GFPT1: variants seen among roughly 807,000 people sequenced by gnomAD.
The protein encoded by GFPT1 is glutamine--fructose-6-phosphate aminotransferase [isomerizing] 1.
A neutral mutation model predicts 92.0 loss-of-function variants in GFPT1; 40 were observed. The ratio of observed to expected loss-of-function variants is 0.43; its 90% CI spans 0.34 to 0.57. The LOEUF is 0.57. Ranked by LOEUF, GFPT1 falls within the 20% of genes least tolerant of loss-of-function variation. The probability of loss-of-function intolerance (pLI) is 0.02; values close to 1 mark genes in which losing one functional copy is unlikely to be tolerated. For synonymous variants in GFPT1, 269 were observed against 280.6 expected (o/e 0.96, Z 0.41); for missense variants, 448 against 869.1 (o/e 0.52, Z 6.09).
In GFPT1 at chr2:69,354,092, G is replaced by A. The variant is rs1485928226; in HGVS notation, c.739+167C>T. ...CTTTCTAAATGCCAAAAGCAGACAC[G>A]CAAAATATACTCCGCAAATTAGAAA... On this transcript the variant is annotated intron_variant, in intron 9 of 19. Coordinates refer to ENST00000357308, the MANE Select transcript of GFPT1 (RefSeq NM_001244710.2). Among the ~76,000 whole-genome samples the A allele has an allele frequency of 2.6e-5, 4 of 152,170 alleles. No individual in the cohort carries two copies. The South Asian group carries it at 6.2e-4, about 24-fold the overall frequency.
At position 69,354,300 on chromosome 2, in the gene GFPT1, A is replaced by T; in HGVS notation, c.698T>A (p.Ile233Asn). 4 of 1,591,940 alleles carry T rather than the reference A, an allele frequency of 2.5e-6. No homozygotes were observed. The highest frequency in any genetic ancestry group is 3.4e-6 in the Non-Finnish European group (4 of 1,175,684). ...PILYRTARTQ[I>N]GSKFTRWGSQ... ...TCCCCACCGTGTGAATTTTGATCCA[A>T]TCTGAGTCCTAGCTAAGGATACACA... Residue 233 changes from isoleucine to asparagine, a missense_variant, in exon 9 of 20, where the codon ATT becomes AAT. By Grantham distance (149) the Ile-to-Asn change is moderately radical. This residue lies in a region of GFPT1 where 118 missense variants were observed against 192.9 expected (regional missense o/e 0.61). Coordinates refer to ENST00000357308, the MANE Select transcript of GFPT1 (RefSeq NM_001244710.2).
At chr2:69,364,994 CAAAAAAAA>C (rs58848043) in intron 3 of GFPT1, among the ~76,000 whole-genome samples, 1 of 44,164 alleles carries the variant, frequency 2.3e-5, no homozygotes, top group Non-Finnish European at 4.0e-5. Context: ...GACTCCCTCT[CAAAAAAAA>C]AAAAAAAAAA....
At chr2:69,328,569 T>C (rs1443121200) in intron 17 of GFPT1, 131 bp from the exon 18 acceptor site, 3 of 648,682 alleles carry the variant, frequency 4.6e-6, no homozygotes, top group African/African-American at 1.8e-5. Flanking sequence ...ACCACTGATC[T>C]ATAAATATAT....
chr2:69,334,923 T>C (rs767589589), intron 15 of GFPT1, among the ~76,000 whole-genome samples: 3 of 152,220 alleles, frequency 2.0e-5, no homozygotes, highest in Non-Finnish European at 2.9e-5. Flanking sequence ...TACAGCCAAA[T>C]GAATTTACTA....
chr2:69,356,581 A>G (rs1368468861), intron 6 of GFPT1, 24 bp from the exon 7 acceptor site: 1 of 1,555,304 alleles, frequency 6.4e-7, no homozygotes, highest in Non-Finnish European at 8.9e-7. Flanking sequence ...AAAATCCATT[A>G]GCACTATTTA....
intron 1 of GFPT1, among the ~76,000 whole-genome samples, chr2:69,385,464 A>T (rs1325765189): frequency 1.3e-5 from 2 of 152,060 alleles, no homozygotes; most frequent in African/African-American, 4.8e-5. Context: ...AGCTCAGGTG[A>T]TCCACCTGCC....
intron 6 of GFPT1, 50 bp from the exon 7 acceptor site, chr2:69,356,607 A>C: frequency 7.8e-7 from 1 of 1,284,802 alleles, no homozygotes; most frequent in Non-Finnish European, 1.1e-6. Flanking sequence ...TTATCAAGTC[A>C]GAAATGCCTA....
intron 10 of GFPT1, among the ~76,000 whole-genome samples, chr2:69,349,630 C>T (rs1256549841): frequency 6.6e-6 from 1 of 152,166 alleles, no homozygotes; most frequent in African/African-American, 2.4e-5. Flanking sequence ...CTACTACTAT[C>T]CCTTTATAAA....
rs553192327 is a variant in GFPT1 at position 69,326,800 on chromosome 2, G to A, written c.2055+114C>T. On this transcript the variant is annotated intron_variant, in intron 19 of 19. Coordinates refer to ENST00000357308, the MANE Select transcript of GFPT1 (RefSeq NM_001244710.2). ...GGCCATGAAAATATAACAGGTGACA[G>A]ATATATATTTGATAGATTTCTCAAA... 161 of 995,148 alleles carry A rather than the reference G, an allele frequency of 1.6e-4. 1 individual carries two copies. In the South Asian group the frequency reaches 2.1e-3, roughly 13 times the overall value. 61.6% of individuals were successfully genotyped at this position (995,148 alleles called of 1,614,324 possible). A position where few individuals can be genotyped will look rare whatever the true frequency, so the allele number is the denominator to read the frequency against.
At chr2:69,338,254 C>T (rs140089318) in intron 14 of GFPT1, among the ~76,000 whole-genome samples, 191 bp downstream of exon 14, 1 of 152,212 alleles carries the variant, frequency 6.6e-6, no homozygotes, top group East Asian at 1.9e-4. Flanking sequence ...CATTGAAAAT[C>T]CAGCTCTTTG....
intron 1 of GFPT1, among the ~76,000 whole-genome samples, chr2:69,377,765 C>A (rs75446567): frequency 0.012 from 1,888 of 152,306 alleles, 45 homozygotes; most frequent in African/African-American, 0.043. Flanking sequence ...AGAAGTTGAA[C>A]CTGTCAGTTT....
chr2:69,384,713 G>A (rs941434798), intron 1 of GFPT1, among the ~76,000 whole-genome samples: 272 of 68,808 alleles, frequency 4.0e-3, no homozygotes, highest in Middle Eastern at 7.6e-3. Context: ...AAAAAAAAAA[G>A]AAAAAAGAAA....
intron 3 of GFPT1, among the ~76,000 whole-genome samples, chr2:69,367,221 T>C (rs369905317): frequency 5.3e-5 from 8 of 152,236 alleles, no homozygotes; most frequent in African/African-American, 1.9e-4. Context: ...TACCGTTTTG[T>C]GTTTTTAAAT....
intron 1 of GFPT1, among the ~76,000 whole-genome samples, chr2:69,377,065 A>G (rs953240295): frequency 7.9e-5 from 12 of 152,092 alleles, no homozygotes; most frequent in Middle Eastern, 3.4e-3. Context: ...AAAATTAGCC[A>G]GGCATGATGG....
chr2:69,359,192 A>G (rs1363885599), intron 5 of GFPT1, 76 bp downstream of exon 5: 1 of 809,012 alleles, frequency 1.2e-6, no homozygotes, highest in East Asian at 2.4e-5. Context: ...TTTGTTGCAC[A>G]TCCCAACAAC....
rs760707754 is a variant in GFPT1 at position 69,329,740 on chromosome 2, C to T, written c.1541G>A (p.Arg514Gln). 1.9e-6 allele frequency: 3 copies of T among 1,613,306 alleles called. No homozygotes were observed. The highest frequency in any genetic ancestry group is 2.2e-5 in the East Asian group (1 of 44,854). Residue 514 changes from arginine to glutamine, a missense_variant, in exon 16 of 20, where the codon CGG (arginine) becomes CAG (glutamine). Coordinates refer to ENST00000357308, the MANE Select transcript of GFPT1 (RefSeq NM_001244710.2). ...TTTGCGTCTTTCTTGCATGGAGATC[C>T]GATCATCACACATCATAAGGGCAAA... ...VMFALMMCDD[R>Q]ISMQERRKEI...
chr2:69,332,282 G>A (rs1311819255), intron 15 of GFPT1, among the ~76,000 whole-genome samples: 2 of 141,432 alleles, frequency 1.4e-5, no homozygotes, highest in Non-Finnish European at 3.1e-5. Context: ...ATTATTTATT[G>A]TTTACTTTTT....
At chr2:69,344,578 A>G (rs1671037843) in intron 12 of GFPT1, among the ~76,000 whole-genome samples, 1 of 152,222 alleles carries the variant, frequency 6.6e-6, no homozygotes, top group South Asian at 2.1e-4. Flanking sequence ...CCTCATCCTA[A>G]CAACAAAAAA....
chr2:69,352,555 G>A (rs1215514934), intron 9 of GFPT1, among the ~76,000 whole-genome samples: 3 of 137,014 alleles, frequency 2.2e-5, no homozygotes, highest in Non-Finnish European at 3.1e-5. Context: ...CGAGGTTGCA[G>A]TGAGCCGAGA....
Sources: gnomAD v4.1 joint callset for allele counts (sites outside exome capture counted in the v4.1 genomes callset) on GRCh38, gnomAD v4.1.1 for gene constraint, gnomAD v4.1.1 regional missense constraint, MANE v1.5 for transcripts, NCBI Gene and HGNC (gene_info 2026-07-23, HGNC 2026-07-21) for gene names.